Variants in CNBD1 observed in about 807,000 individuals in gnomAD.
CNBD1 encodes the protein cyclic nucleotide-binding domain-containing protein 1.
CNBD1 carries 71 observed loss-of-function variants against 54.4 expected under a neutral mutation model. The ratio of observed to expected loss-of-function variants is 1.30; its 90% CI spans 1.08 to 1.59. The LOEUF is 1.59. Among genes scored for constraint, CNBD1 ranks in the 40% most tolerant of loss-of-function variants. CNBD1 has a pLI of 0.00. For synonymous variants in CNBD1, 182 were observed against 170.7 expected (o/e 1.07, Z -0.51); for missense variants, 659 against 518.0 (o/e 1.27, Z -2.64).
chr8:87,236,470 A>G (rs1277813540), intron 5 of CNBD1, among the ~76,000 whole-genome samples: 1 of 152,114 alleles, frequency 6.6e-6, no homozygotes, highest in East Asian at 1.9e-4. Context: ...GATTGTCATC[A>G]TGTCCAGAGC....
chr8:87,359,236 C>T (rs548716083), intron 10 of CNBD1, among the ~76,000 whole-genome samples: 1 of 146,632 alleles, frequency 6.8e-6, no homozygotes, highest in South Asian at 2.1e-4. Flanking sequence ...TTAATTCATT[C>T]CATAGTCTGT....
At chr8:87,238,064 C>T (rs187514455) in intron 6 of CNBD1, among the ~76,000 whole-genome samples, 7 of 137,124 alleles carry the variant, frequency 5.1e-5, no homozygotes, top group East Asian at 3.9e-4. Flanking sequence ...CTTCAAAGAC[C>T]GATTTTTTTT....
intron 2 of CNBD1, among the ~76,000 whole-genome samples, chr8:86,896,913 C>A (rs1344535195): frequency 6.6e-6 from 1 of 151,362 alleles, no homozygotes; most frequent in South Asian, 2.1e-4. Flanking sequence ...AGAAAATCAT[C>A]AAAAAAAATT....
intron 8 of CNBD1, among the ~76,000 whole-genome samples, chr8:87,340,201 A>G (rs1810036962): frequency 6.6e-6 from 1 of 152,170 alleles, no homozygotes; most frequent in Non-Finnish European, 1.5e-5. Flanking sequence ...AATATGTTAT[A>G]TCTTCTTCTG....
intron 6 of CNBD1, among the ~76,000 whole-genome samples, chr8:87,279,039 T>G (rs1401685212): frequency 6.6e-6 from 1 of 151,358 alleles, no homozygotes; most frequent in African/African-American, 2.4e-5. Flanking sequence ...TCTATTTAAT[T>G]AATAGTTATT....
chr8:87,346,543 A>G (rs1353740499), intron 8 of CNBD1, among the ~76,000 whole-genome samples: 1 of 151,848 alleles, frequency 6.6e-6, no homozygotes, highest in East Asian at 1.9e-4. Flanking sequence ...TGATGTCTCT[A>G]TCTATGTGTA....
At chr8:87,165,592 T>C (rs1254408661) in intron 4 of CNBD1, among the ~76,000 whole-genome samples, 1 of 151,922 alleles carries the variant, frequency 6.6e-6, no homozygotes, top group African/African-American at 2.4e-5. Context: ...TTGGTTAAGA[T>C]TTGCATTGAG....
chr8:86,886,712 A>G (rs537650253), intron 1 of CNBD1, among the ~76,000 whole-genome samples: 3 of 152,300 alleles, frequency 2.0e-5, no homozygotes, highest in Non-Finnish European at 4.4e-5. Flanking sequence ...GCACTTTTTA[A>G]CGTTTGAGAA....
chr8:86,911,978 A>T (rs1471585753), intron 3 of CNBD1, among the ~76,000 whole-genome samples: 7 of 152,126 alleles, frequency 4.6e-5, no homozygotes, highest in Non-Finnish European at 1.0e-4. Flanking sequence ...AGGACACAAA[A>T]AAGTAAGAAG....
chr8:87,284,985 G>C (rs1808665140), intron 7 of CNBD1, among the ~76,000 whole-genome samples, 170 bp downstream of exon 7: 1 of 152,002 alleles, frequency 6.6e-6, no homozygotes, highest in South Asian at 2.1e-4. Context: ...GCTGGTGATA[G>C]GTAGGTGAGG....
At chr8:86,866,622 A>T (rs747176055) in intron 1 of CNBD1, 39 bp downstream of exon 1, 2 of 1,461,180 alleles carry the variant, frequency 1.4e-6, no homozygotes, top group Admixed American at 1.9e-5. Context: ...TTCACCTACC[A>T]TTGTTTTCAG....
At chr8:86,870,189 C>CTTTTTTT (rs71275890) in intron 1 of CNBD1, among the ~76,000 whole-genome samples, 8 of 100,602 alleles carry the variant, frequency 8.0e-5, no homozygotes, top group Admixed American at 2.4e-4. Context: ...AGATAGTACT[C>CTTTTTTT]TTTTTTTTTT....
chr8:87,206,108 T>C lies in CNBD1; in HGVS notation c.547T>C (p.Phe183Leu), dbSNP rs763526482. Reference protein sequence around the residue: ...KHLKTLSKTVFSETWLKGSTV... With the variant: ...KHLKTLSKTVLSETWLKGSTV... ...TCTGAAAACACTTAGTAAGACTGTC[T>C]TTTCCGAAACCTGGTTGAAAGGCAG... Residue 183 changes from phenylalanine to leucine, a missense_variant, in exon 5 of 11, where the codon TTT (phenylalanine) becomes CTT (leucine). Physicochemically the swap from Phe to Leu is conservative, Grantham distance 22. Coordinates refer to ENST00000518476, the MANE Select transcript of CNBD1 (RefSeq NM_173538.3). 2.5e-6 allele frequency: 4 copies of C among 1,590,192 alleles called. No individual in the cohort carries two copies. In the South Asian group the frequency reaches 4.6e-5, roughly 18 times the overall value.
chr8:87,376,824 G>C (rs1423866772), intron 10 of CNBD1, among the ~76,000 whole-genome samples: 2 of 151,604 alleles, frequency 1.3e-5, no homozygotes, highest in African/African-American at 4.8e-5. Flanking sequence ...GCCAGAATTC[G>C]GACCCAATTC....
At chr8:87,351,213 T>G (rs1810284179) in intron 8 of CNBD1, among the ~76,000 whole-genome samples, 1 of 152,186 alleles carries the variant, frequency 6.6e-6, no homozygotes, top group South Asian at 2.1e-4. Flanking sequence ...TCAAAGCCCT[T>G]GTTTTAACTG....
intron 6 of CNBD1, among the ~76,000 whole-genome samples, chr8:87,282,479 G>T (rs185025775): frequency 4.6e-4 from 69 of 151,450 alleles, no homozygotes; most frequent in South Asian, 1.9e-3. Flanking sequence ...ACTCTAAATT[G>T]CTATTTCAAG....
At chr8:87,397,914 C>T (rs1187780416) in intron 2 of CNBD1, among the ~76,000 whole-genome samples, 5 of 152,114 alleles carry the variant, frequency 3.3e-5, no homozygotes, top group African/African-American at 4.8e-5. Context: ...CACAAGCTCT[C>T]TCTTTGCCTG....
chr8:86,969,824 A>G (rs753039753), intron 4 of CNBD1, among the ~76,000 whole-genome samples: 2 of 145,244 alleles, frequency 1.4e-5, no homozygotes, highest in Non-Finnish European at 3.0e-5. Flanking sequence ...ACACACACAT[A>G]TATATAGTGT....
intron 8 of CNBD1, among the ~76,000 whole-genome samples, chr8:87,311,905 G>A (rs1422686912): frequency 6.6e-6 from 1 of 152,044 alleles, no homozygotes; most frequent in African/African-American, 2.4e-5. Context: ...GGACACTCAT[G>A]GACATAAAGG....
Sources: allele counts gnomAD v4.1 joint callset (sites outside exome capture counted in the v4.1 genomes callset), GRCh38; gene constraint gnomAD v4.1.1; transcripts MANE v1.5; gene names NCBI Gene and HGNC (gene_info 2026-07-23, HGNC 2026-07-21).